The following SMAP1 variants were observed in gnomAD, a reference collection of about 807,000 sequenced individuals.
The protein encoded by SMAP1 is small ArfGAP 1.
Under a neutral mutation model 58.5 loss-of-function variants are expected in SMAP1, and 24 were observed. The observed-to-expected ratio is 0.41, with a 90% confidence interval of 0.30 to 0.58. The LOEUF is 0.58. Ranked by LOEUF, SMAP1 falls within the 20% of genes least tolerant of loss-of-function variation. The pLI, the probability that SMAP1 is intolerant of heterozygous loss-of-function variation, is 0.29. For missense variants in SMAP1, 563 were observed against 566.3 expected, an observed-to-expected ratio of 0.99 and a Z score of 0.06; for synonymous variants, 216 against 196.6, an observed-to-expected ratio of 1.10 and a Z score of -0.82.
At chr6:70,758,504 AAAACTT>A (rs1766610083) in intron 3 of SMAP1, among the ~76,000 whole-genome samples, 1 of 152,066 alleles carries the variant, frequency 6.6e-6, no homozygotes, top group Non-Finnish European at 1.5e-5. Flanking sequence ...CATGTACCCT[AAAACTT>A]AAAGTATAAT....
chr6:70,785,738 C>T (rs1767989987), intron 4 of SMAP1, among the ~76,000 whole-genome samples: 1 of 152,172 alleles, frequency 6.6e-6, no homozygotes, highest in Non-Finnish European at 1.5e-5. Flanking sequence ...TACACCCTCC[C>T]AAGAGTAAAC....
chr6:70,791,999 A>G (rs868453275), intron 5 of SMAP1, among the ~76,000 whole-genome samples: 2 of 152,182 alleles, frequency 1.3e-5, no homozygotes, highest in South Asian at 4.1e-4. Context: ...CTGTATCTCA[A>G]CAGTTAAGAA....
chr6:70,836,567 A>G (rs1048253528), intron 6 of SMAP1, among the ~76,000 whole-genome samples: 1 of 152,248 alleles, frequency 6.6e-6, no homozygotes, highest in Non-Finnish European at 1.5e-5. Flanking sequence ...GATCTACAAG[A>G]TGAAATTTGA....
intron 1 of SMAP1, among the ~76,000 whole-genome samples, chr6:70,715,692 G>A (rs974982248): frequency 2.0e-5 from 3 of 151,982 alleles, no homozygotes; most frequent in African/African-American, 4.8e-5. Flanking sequence ...AGGGTTTTGG[G>A]ATGATTCAAG....
At chr6:70,685,119 T>C (rs1458812296) in intron 1 of SMAP1, among the ~76,000 whole-genome samples, 13 of 152,174 alleles carry the variant, frequency 8.5e-5, no homozygotes, top group Admixed American at 8.5e-4. Context: ...TTGGTAATTA[T>C]GCCAGGTCTT....
Position 70,755,018 on chromosome 6 carries a change from C to T in SMAP1, c.291C>T (p.Leu97=). 6.2e-7 allele frequency: 1 copy of T among 1,610,600 alleles called. No homozygotes were observed. The highest frequency in any genetic ancestry group is 8.5e-7 in the Non-Finnish European group (1 of 1,177,608). The part of the protein sequence containing the change: ...QDMGNTKARL[L]YEANLPENFR... The stretch of plus-strand genomic sequence containing the variant: ...TGGGAAATACTAAAGCAAGACTACT[C>T]TATGAAGCCAATCTTCCAGAGAACT... Residue 97 remains leucine, a synonymous_variant, in exon 3 of 11, where the codon CTC becomes CTT. Transcript: ENST00000370455.
chr6:70,860,799 G>A lies in SMAP1; in HGVS notation c.*465G>A, dbSNP rs576020600. ...GTCTCACTGAGCACTGTTTTCTAGT[G>A]TATCAAAATGCTCTTATTTCATCAT... On this transcript the variant is annotated 3_prime_UTR_variant, in exon 11 of 11. Coordinates refer to ENST00000370455, the MANE Select transcript of SMAP1 (RefSeq NM_001044305.3). The A allele has an allele frequency of 7.5e-6, 3 of 398,306 alleles. No homozygotes were observed. The highest frequency in any genetic ancestry group is 2.1e-5 in the African/African-American group (1 of 48,702). 24.7% of individuals were successfully genotyped at this position (398,306 alleles called of 1,614,324 possible).
Position 70,695,215 on chromosome 6 carries a change from A to G in SMAP1, c.118+27074A>G, listed in dbSNP as rs139348734. On this transcript the variant is annotated intron_variant, in intron 1 of 10. Coordinates refer to ENST00000370455, the MANE Select transcript of SMAP1 (RefSeq NM_001044305.3). ...TTTAGTTTTTTCTAAATATAAGATC[A>G]TATTACCTACAGACAAGTATACTTT... Among the ~76,000 whole-genome samples, 314 of 152,310 alleles carry G rather than the reference A, an allele frequency of 2.1e-3. 1 individual carries two copies. The highest frequency in any genetic ancestry group is 6.1e-3 in the African/African-American group (255 of 41,578).
In SMAP1 at chr6:70,789,512, A is replaced by G. The variant is rs577003936; in HGVS notation, c.415-2177A>G. Among the ~76,000 whole-genome samples the G allele has an allele frequency of 5.0e-4, 75 of 150,700 alleles. 2 individuals are homozygous for G. Among genetic ancestry groups the G allele is most frequent in the Admixed American group, 3.8e-3 (57 of 15,126 alleles). On this transcript the variant is annotated intron_variant, in intron 4 of 10. Transcript: ENST00000370455. ...AATTCACCTGTTCATCTGTCCATTG[A>G]CTTTTCAAATGTCTTTCTTCTTAAG...
chr6:70,752,290 C>T (rs1367674116), intron 2 of SMAP1, among the ~76,000 whole-genome samples: 1 of 152,186 alleles, frequency 6.6e-6, no homozygotes, highest in African/African-American at 2.4e-5. Context: ...GTAAGCCCTG[C>T]AGGACATAGT....
intron 3 of SMAP1, among the ~76,000 whole-genome samples, chr6:70,761,856 A>C (rs1158956367): frequency 2.0e-5 from 3 of 152,094 alleles, no homozygotes; most frequent in African/African-American, 7.2e-5. Flanking sequence ...TTCATACGTT[A>C]AATTCTTACT....
At chr6:70,687,894 G>A (rs566694030) in intron 1 of SMAP1, among the ~76,000 whole-genome samples, 1 of 152,066 alleles carries the variant, frequency 6.6e-6, no homozygotes, top group Admixed American at 6.6e-5. Context: ...TCAAGATATG[G>A]AACAGTTATA....
intron 4 of SMAP1, 142 bp downstream of exon 4, chr6:70,773,567 A>G (rs887680801): frequency 5.7e-6 from 3 of 522,270 alleles, no homozygotes; most frequent in Non-Finnish European, 9.8e-6. Context: ...TTTTGGTTAT[A>G]TAATGTTGAG....
chr6:70,738,164 C>T (rs964431388), intron 2 of SMAP1, among the ~76,000 whole-genome samples: 3 of 152,122 alleles, frequency 2.0e-5, no homozygotes, highest in African/African-American at 7.2e-5. Flanking sequence ...TCTGAAGTTT[C>T]TTCCATTCTT....
intron 3 of SMAP1, among the ~76,000 whole-genome samples, chr6:70,759,094 T>A (rs1766640337): frequency 6.6e-6 from 1 of 152,100 alleles, no homozygotes; most frequent in Non-Finnish European, 1.5e-5. Context: ...AGCAGTTCTT[T>A]ATTTTGCAGA....
At chr6:70,824,040 G>A (rs2149984605) in intron 6 of SMAP1, among the ~76,000 whole-genome samples, 1 of 151,944 alleles carries the variant, frequency 6.6e-6, no homozygotes, top group South Asian at 2.1e-4. Context: ...TACAGTTCAG[G>A]TTTTCCTACC....
At chr6:70,754,031 G>T (rs1216767248) in intron 2 of SMAP1, among the ~76,000 whole-genome samples, 1 of 152,046 alleles carries the variant, frequency 6.6e-6, no homozygotes, top group Non-Finnish European at 1.5e-5. Context: ...ACAACTCAAC[G>T]CAGATGTCAG....
chr6:70,739,811 A>T, intron 2 of SMAP1, among the ~76,000 whole-genome samples: 1 of 149,764 alleles, frequency 6.7e-6, no homozygotes, highest in African/African-American at 2.5e-5. Context: ...CTGCCTTTCC[A>T]TTTTTCTTAG....
chr6:70,843,170 A>T (rs867563808), intron 7 of SMAP1, among the ~76,000 whole-genome samples: 72 of 139,842 alleles, frequency 5.1e-4, no homozygotes, highest in African/African-American at 1.1e-3. Flanking sequence ...CCCCCTTTTT[A>T]AAATTAACTA....
Sources: allele counts gnomAD v4.1 joint callset (sites outside exome capture counted in the v4.1 genomes callset), GRCh38; gene constraint gnomAD v4.1.1; transcripts MANE v1.5; gene names NCBI Gene and HGNC (gene_info 2026-07-23, HGNC 2026-07-21).